Variants in ITPR1 observed in about 807,000 individuals in gnomAD.
ITPR1 encodes inositol 1,4,5-trisphosphate-gated calcium channel ITPR1.
A neutral mutation model predicts 318.4 loss-of-function variants in ITPR1; 96 were observed. The observed-to-expected ratio is 0.30, with a 90% CI of 0.26 to 0.36. The LOEUF (loss-of-function observed/expected upper bound fraction) is 0.36, where lower values mean the gene tolerates loss of function less well. ITPR1 is among the 10% of genes least tolerant of loss of function. The pLI, the probability that ITPR1 is intolerant of heterozygous loss-of-function variation, is 1.00. For synonymous variants in ITPR1, 1,312 were observed against 1,289.9 expected (o/e 1.02, Z -0.37); for missense variants, 2,440 against 3,460.2 (o/e 0.71, Z 7.40).
rs370559048 is a variant in ITPR1, at chr3:4,661,027, C to G, written c.1191C>G (p.Thr397=). Residue 397 remains threonine (T), a synonymous_variant, in exon 14 of 62, where the codon ACC becomes ACG. Coordinates refer to ENST00000649015, the MANE Select transcript of ITPR1 (RefSeq NM_001378452.1). ...YVRLRHLCTN[T]WVHSTNIPID... ...GGCTCAGACACCTATGTACTAATAC[C>G]TGGGTTCACAGCACAAATATTCCTA... 1.2e-6 allele frequency: 2 copies of G among 1,610,172 alleles called. No homozygotes were observed. The highest frequency in any genetic ancestry group is 1.7e-6 in the Non-Finnish European group (2 of 1,176,672).
chr3:4,599,432 G>T (rs971366091), intron 4 of ITPR1, among the ~76,000 whole-genome samples: 2 of 152,182 alleles, frequency 1.3e-5, no homozygotes, highest in Non-Finnish European at 2.9e-5. Flanking sequence ...GGGGGAAAAT[G>T]CAGAAAATCT....
chr3:4,753,475 C>T (rs2044705597), intron 44 of ITPR1, among the ~76,000 whole-genome samples: 1 of 152,154 alleles, frequency 6.6e-6, no homozygotes, highest in African/African-American at 2.4e-5. Flanking sequence ...CAGGGATGCT[C>T]TCTGTGGCCG....
At position 4,765,601 on chromosome 3, in the gene ITPR1, T is replaced by G. The variant is rs547390329; in HGVS notation, c.5545-929T>G. ...TGTAGGGAAGTGCCATCTTTCCAAA[T>G]GGAAAGATTTGAAATTGGCAGAAGA... On this transcript the variant is annotated intron_variant, in intron 44 of 61. Coordinates refer to ENST00000649015, the MANE Select transcript of ITPR1 (RefSeq NM_001378452.1). Among the ~76,000 whole-genome samples, 50 of 152,174 alleles carry G rather than the reference T, an allele frequency of 3.3e-4. No homozygotes were observed. In the South Asian group the frequency reaches 0.01, roughly 31 times the overall value.
chr3:4,554,629 TGAGA>T (rs2085938481), intron 4 of ITPR1, among the ~76,000 whole-genome samples: 1 of 151,966 alleles, frequency 6.6e-6, no homozygotes, highest in African/African-American at 2.4e-5. Flanking sequence ...ATCAACCCCC[TGAGA>T]GAGAGCAGAT....
chr3:4,674,197 T>A lies in ITPR1; in HGVS notation c.2457-5T>A. The A allele has an allele frequency of 6.5e-7, 1 of 1,536,266 alleles. No homozygotes were observed. The highest frequency in any genetic ancestry group is 2.4e-5 in the East Asian group (1 of 40,832). On this transcript the variant is annotated splice_region_variant and splice_polypyrimidine_tract_variant and intron_variant, in intron 21 of 61. Transcript: ENST00000649015. Reference sequence around the variant, plus strand: ...TTGTTTCCTTTCTTTCTCCTTTCTTTTCAGCTATGATAGTAGTGGAGCTTC... The same window carrying A: ...TTGTTTCCTTTCTTTCTCCTTTCTTATCAGCTATGATAGTAGTGGAGCTTC...
intron 5 of ITPR1, among the ~76,000 whole-genome samples, chr3:4,636,864 T>C (rs2093207103): frequency 6.6e-6 from 1 of 152,278 alleles, no homozygotes; most frequent in Admixed American, 6.5e-5. Flanking sequence ...GTTTAATTAG[T>C]CTTTAATGTG....
intron 49 of ITPR1, among the ~76,000 whole-genome samples, chr3:4,780,921 G>A (rs558820485): frequency 2.6e-5 from 4 of 152,322 alleles, no homozygotes; most frequent in African/African-American, 9.6e-5. Flanking sequence ...GGCTGGCACC[G>A]GCTCTTGGGC....
chr3:4,582,837 C>G (rs73009417), intron 4 of ITPR1, among the ~76,000 whole-genome samples: 12,059 of 152,178 alleles, frequency 0.079, 627 homozygotes, highest in Non-Finnish European at 0.11. Context: ...TGTTCTCCTT[C>G]TTCCAGCTCT....
At chr3:4,593,406 T>G (rs1239995491) in intron 4 of ITPR1, among the ~76,000 whole-genome samples, 1 of 152,230 alleles carries the variant, frequency 6.6e-6, no homozygotes, top group Non-Finnish European at 1.5e-5. Context: ...AGAGGAAATA[T>G]GAGACCTCAA....
intron 44 of ITPR1, among the ~76,000 whole-genome samples, chr3:4,764,266 A>G (rs1384735220): frequency 2.0e-5 from 3 of 152,258 alleles, no homozygotes; most frequent in Non-Finnish European, 1.5e-5. Context: ...GCAATTTTCT[A>G]GAATTCATTT....
At chr3:4,778,410 G>C (rs989563746) in intron 48 of ITPR1, among the ~76,000 whole-genome samples, 1 of 152,190 alleles carries the variant, frequency 6.6e-6, no homozygotes, top group Admixed American at 6.5e-5. Flanking sequence ...TGGCTGAAAG[G>C]TTGAGCTGTA....
At chr3:4,630,346 C>T (rs183861590) in intron 5 of ITPR1, among the ~76,000 whole-genome samples, 1 of 152,014 alleles carries the variant, frequency 6.6e-6, no homozygotes, top group East Asian at 1.9e-4. Flanking sequence ...TCTCAAGTGC[C>T]ATAATCCCAA....
Position 4,645,481 on chromosome 3 carries a change from T to C in ITPR1, c.708+11T>C, listed in dbSNP as rs751421128. The C allele has an allele frequency of 6.2e-7, 1 of 1,610,194 alleles. No homozygotes were observed. Among genetic ancestry groups the C allele is most frequent in the South Asian group, 1.1e-5 (1 of 90,914 alleles). On this transcript the variant is annotated intron_variant, in intron 9 of 61. Coordinates refer to ENST00000649015, the MANE Select transcript of ITPR1 (RefSeq NM_001378452.1). ...GACATATTAAAGGGGGTGAGTTTGA[T>C]GCTTTATGGGCTGAGCATTACTTGG...
chr3:4,742,953 A>G lies in ITPR1; in HGVS notation c.5544+7599A>G, dbSNP rs565120909. On this transcript the variant is annotated intron_variant, in intron 44 of 61. Transcript: ENST00000649015. ...TCCTTCTGACTGTATATTAAAAATG[A>G]TTTTAGAACTCCAGGACATTGGGAA... Among the ~76,000 whole-genome samples, 5 of 152,180 alleles carry G rather than the reference A, an allele frequency of 3.3e-5. No individual in the cohort carries two copies. The South Asian group carries it at 8.3e-4, about 25-fold the overall frequency.
intron 7 of ITPR1, among the ~76,000 whole-genome samples, chr3:4,643,925 A>C (rs1489463117): frequency 3.3e-5 from 5 of 151,752 alleles, no homozygotes; most frequent in Admixed American, 3.3e-4. Flanking sequence ...ACACTCGAGG[A>C]ACAACATTCA....
Position 4,565,636 on chromosome 3 carries a change from G to A in ITPR1, c.163+44542G>A, listed in dbSNP as rs556530466. Reference sequence around the variant, plus strand: ...GGAGAGTGTGTTCCCACAGAGAGCAGGCTGTATTGATTGTCTCCCCAAGAC... The same window carrying A: ...GGAGAGTGTGTTCCCACAGAGAGCAAGCTGTATTGATTGTCTCCCCAAGAC... On this transcript the variant is annotated intron_variant, in intron 4 of 61. Coordinates refer to ENST00000649015, the MANE Select transcript of ITPR1 (RefSeq NM_001378452.1). Among the ~76,000 whole-genome samples, 10 of 152,284 alleles carry A rather than the reference G, an allele frequency of 6.6e-5. No individual in the cohort carries two copies. The South Asian group carries it at 2.1e-3, about 32-fold the overall frequency.
chr3:4,697,405 C>A (rs766950720), intron 34 of ITPR1, 133 bp downstream of exon 34: 245 of 792,806 alleles, frequency 3.1e-4, no homozygotes, highest in Non-Finnish European at 4.1e-4. Context: ...CTACTCTAAT[C>A]CGTGGCATGA....
chr3:4,601,206 C>T (rs1575669699), intron 4 of ITPR1, among the ~76,000 whole-genome samples: 1 of 106,820 alleles, frequency 9.4e-6, no homozygotes, highest in African/African-American at 3.4e-5. Flanking sequence ...ACTGGGGCAA[C>T]TGGATTTCCA....
chr3:4,786,652 GAC>G (rs56388341), intron 51 of ITPR1, among the ~76,000 whole-genome samples: 3,247 of 152,302 alleles, frequency 0.021, 57 homozygotes, highest in South Asian at 0.046. Flanking sequence ...CCAGGACTAT[GAC>G]ACAATCAAGT....
Sources: allele counts gnomAD v4.1 joint callset (sites outside exome capture counted in the v4.1 genomes callset), GRCh38; gene constraint gnomAD v4.1.1; transcripts MANE v1.5; gene names NCBI Gene and HGNC (gene_info 2026-07-23, HGNC 2026-07-21).